Variants in C5 observed in about 807,000 individuals in gnomAD.
C5 encodes C3 and PZP-like alpha-2-macroglobulin domain-containing protein 4.
A neutral mutation model predicts 218.8 loss-of-function variants in C5; 140 were observed. The ratio of observed to expected loss-of-function variants is 0.64; its 90% CI spans 0.56 to 0.74. The LOEUF is 0.74. Among genes scored for constraint, C5 ranks in the 30% least tolerant of loss-of-function variants. C5 has a pLI of 0.00. For synonymous variants in C5, 614 were observed against 682.3 expected, an observed-to-expected ratio of 0.90 and a Z score of 1.56; for missense variants, 1,700 against 1,969.6, an observed-to-expected ratio of 0.86 and a Z score of 2.59.
chr9:121,013,916 G>C lies in C5; in HGVS notation c.2214C>G (p.Leu738=), dbSNP rs2047284246. ...FTECCVVASQ[L]RANISHKDMQ... ...TGTCTTTATGAGAGATATTAGCACGGAGCTGGCTTGCGACGACACAACATT... is the reference window on the plus strand; with the variant it reads ...TGTCTTTATGAGAGATATTAGCACGCAGCTGGCTTGCGACGACACAACATT... Residue 738 remains leucine (L), a synonymous_variant, in exon 17 of 41, where the codon CTC becomes CTG. Coordinates refer to ENST00000223642, the MANE Select transcript of C5 (RefSeq NM_001735.3). 2 of 1,614,002 alleles carry C rather than the reference G, an allele frequency of 1.2e-6. No homozygotes were observed. The highest frequency in any genetic ancestry group is 1.3e-5 in the African/African-American group (1 of 74,892).
chr9:121,033,394 T>A (rs1173791804), intron 5 of C5, among the ~76,000 whole-genome samples: 1 of 152,182 alleles, frequency 6.6e-6, no homozygotes, highest in Non-Finnish European at 1.5e-5. Context: ...ACATCATGCA[T>A]CCAGGAATAG....
chr9:120,976,773 A>G lies in C5; in HGVS notation c.3791T>C (p.Ile1264Thr). 6.2e-7 allele frequency: 1 copy of G among 1,614,168 alleles called. No homozygotes were observed. Among genetic ancestry groups the G allele is most frequent in the Non-Finnish European group, 8.5e-7 (1 of 1,180,012 alleles). ...ALLTSLNLKDINYVNPVIKWL... is the reference protein window; with the variant it reads ...ALLTSLNLKDTNYVNPVIKWL... ...TTTGATGACTGGGTTAACATAATTTATATCTTTCAAGTTCAGACTGGTGAG... is the reference window on the plus strand; with the variant it reads ...TTTGATGACTGGGTTAACATAATTTGTATCTTTCAAGTTCAGACTGGTGAG... The change falls in exon 29 of 41, where the codon ATA becomes ACA. Residue 1264 changes from isoleucine (I) to threonine (T), a missense_variant. Ile to Thr is a moderately conservative substitution (Grantham distance 89, BLOSUM62 -1). Coordinates refer to ENST00000223642, the MANE Select transcript of C5 (RefSeq NM_001735.3).
In C5 at chr9:121,035,013, A is replaced by G. The variant is rs1225835326; in HGVS notation, c.493-119T>C. ...ATCAAATATTTGAAGACAAATACCCATGTCTTCAAATTAAATATGAAGGAT... is the reference window on the plus strand; with the variant it reads ...ATCAAATATTTGAAGACAAATACCCGTGTCTTCAAATTAAATATGAAGGAT... On this transcript the variant is annotated intron_variant, in intron 4 of 40. Transcript: ENST00000223642. 5.0e-6 allele frequency: 3 copies of G among 603,536 alleles called. No homozygotes were observed. In the East Asian group the frequency reaches 8.5e-5, roughly 17 times the overall value. The allele number at this position is 603,536 out of a possible 1,614,324, so 37.4% of individuals were successfully genotyped here.
chr9:121,002,316 G>GTGTGTGTGTGTATGTATATATA (rs572345213), intron 20 of C5, among the ~76,000 whole-genome samples: 2 of 87,406 alleles, frequency 2.3e-5, no homozygotes, highest in African/African-American at 4.5e-5. Context: ...ATATGTGTGT[G>GTGTGTGTGTGTATGTATATATA]TATATATATA....
At chr9:121,042,905 A>G in intron 3 of C5, 99 bp downstream of exon 3, 1 of 950,190 alleles carries the variant, frequency 1.1e-6, no homozygotes. Flanking sequence ...ATTAAAAAGA[A>G]ACCGATCTCC....
chr9:120,957,146 C>T, intron 39 of C5, 139 bp downstream of exon 39: 1 of 658,804 alleles, frequency 1.5e-6, no homozygotes, highest in Non-Finnish European at 2.8e-6. Context: ...TGTTTCTCCC[C>T]AAGTAGAATA....
intron 20 of C5, among the ~76,000 whole-genome samples, chr9:121,002,296 ATG>A (rs1564146660): frequency 1.8e-4 from 17 of 94,700 alleles, no homozygotes; most frequent in South Asian, 5.3e-4. Context: ...ATATGTATAT[ATG>A]TATATATATA....
chr9:121,002,673 T>C (rs1188370394), intron 20 of C5, among the ~76,000 whole-genome samples: 2 of 152,052 alleles, frequency 1.3e-5, no homozygotes, highest in Non-Finnish European at 2.9e-5. Context: ...TTTTGAGACA[T>C]GAAAACCACT....
chr9:121,014,171 T>A (rs2047287324), intron 16 of C5, 101 bp from the exon 17 acceptor site: 1 of 968,146 alleles, frequency 1.0e-6, no homozygotes, highest in African/African-American at 1.6e-5. Context: ...TGCTATATGA[T>A]CCCCCTACCC....
At chr9:121,025,423 C>CACACACACACAT (rs762384407) in intron 9 of C5, 31 bp downstream of exon 9, 2 of 1,553,726 alleles carry the variant, frequency 1.3e-6, no homozygotes, top group African/African-American at 2.8e-5. Flanking sequence ...AAAGTATACA[C>CACACACACACAT]ACACACACAC....
the C5 span, among the ~76,000 whole-genome samples, chr9:121,064,842 A>T: frequency 2.0e-5 from 3 of 152,170 alleles, no homozygotes; most frequent in African/African-American, 7.2e-5. Flanking sequence ...AGGAAGGCGG[A>T]TCAGCTGAGG....
At chr9:121,017,262 T>A (rs1417068583) in intron 14 of C5, 100 bp downstream of exon 14, 3 of 1,383,448 alleles carry the variant, frequency 2.2e-6, no homozygotes, top group African/African-American at 2.8e-5. Context: ...TTGAGTAGAT[T>A]ACAGAAAAGC....
intron 36 of C5, 151 bp from the exon 37 acceptor site, chr9:120,961,716 T>C (rs2046828966): frequency 1.5e-6 from 1 of 687,666 alleles, no homozygotes; most frequent in African/African-American, 1.8e-5. Flanking sequence ...AATTATGAAT[T>C]GGCTGTCCTG....
intron 5 of C5, among the ~76,000 whole-genome samples, chr9:121,033,894 C>T (rs1202062921): frequency 1.4e-5 from 2 of 144,118 alleles, no homozygotes; most frequent in Admixed American, 6.8e-5. Flanking sequence ...CCCTCCCCTC[C>T]CTCTTTCTTT....
chr9:120,984,077 CA>C (rs2047015353), intron 25 of C5, among the ~76,000 whole-genome samples: 2 of 152,126 alleles, frequency 1.3e-5, no homozygotes, highest in Non-Finnish European at 2.9e-5. Context: ...TGTTCTTTTA[CA>C]AGTGATTTTA....
At chr9:121,015,301 A>G (rs1470321651) in intron 15 of C5, 40 bp from the exon 16 acceptor site, 2 of 1,386,882 alleles carry the variant, frequency 1.4e-6, no homozygotes, top group Non-Finnish European at 1.0e-6. Flanking sequence ...AGGATTAAAA[A>G]GGAGATAAAA....
At chr9:121,013,800 C>A in intron 17 of C5, 73 bp downstream of exon 17, 1 of 1,293,876 alleles carries the variant, frequency 7.7e-7, no homozygotes, top group Non-Finnish European at 1.1e-6. Context: ...TGAAAACTGC[C>A]TTTCTTAGCA....
At chr9:120,989,914 C>T (rs567325222) in intron 23 of C5, 134 bp from the exon 24 acceptor site, 11 of 641,790 alleles carry the variant, frequency 1.7e-5, no homozygotes, top group Admixed American at 7.7e-5. Context: ...TTCTCAGAAA[C>T]GGGGTGAGAA....
chr9:120,996,064 C>A (rs998763388), intron 22 of C5, among the ~76,000 whole-genome samples, 176 bp downstream of exon 22: 1 of 152,102 alleles, frequency 6.6e-6, no homozygotes, highest in Non-Finnish European at 1.5e-5. Context: ...AATGATCCAC[C>A]CACCTCGGCC....
Sources: gnomAD v4.1 joint callset for allele counts (sites outside exome capture counted in the v4.1 genomes callset) on GRCh38, gnomAD v4.1.1 for gene constraint, MANE v1.5 for transcripts, NCBI Gene and HGNC (gene_info 2026-07-23, HGNC 2026-07-21) for gene names.